Variants in OTUD7A observed in about 807,000 individuals in gnomAD.
OTUD7A encodes OTU domain-containing protein 7A.
A neutral mutation model predicts 65.7 loss-of-function variants in OTUD7A; 12 were observed. That is an observed-to-expected ratio of 0.18 (90% CI 0.12 to 0.30). The LOEUF (loss-of-function observed/expected upper bound fraction) is 0.30, where lower values mean the gene tolerates loss of function less well. OTUD7A is among the 10% of genes least tolerant of loss of function. The probability of loss-of-function intolerance (pLI) is 1.00; values close to 1 mark genes in which losing one functional copy is unlikely to be tolerated. For synonymous variants in OTUD7A, 641 were observed against 586.3 expected, an observed-to-expected ratio of 1.09 and a Z score of -1.35; for missense variants, 1,148 against 1,304.8, an observed-to-expected ratio of 0.88 and a Z score of 1.85.
At chr15:31,659,080 T>TAAAA (rs1280471297) in intron 1 of OTUD7A, among the ~76,000 whole-genome samples, 4 of 136,484 alleles carry the variant, frequency 2.9e-5, no homozygotes, top group South Asian at 2.3e-4. Flanking sequence ...AATAAATAAA[T>TAAAA]AAAATAAAAT....
rs202004327 is a variant in OTUD7A, at chr15:31,650,039, C to CT, written c.151+5056dup. ...AAAGTCTGGAAATCTCTAATTTATC[C>CT]TTTTTTTTTTTCTTTTTCTTCTAAA... On this transcript the variant is annotated intron_variant, in intron 3 of 12. Transcript: ENST00000307050. Among the ~76,000 whole-genome samples the CT allele has an allele frequency of 6.8e-3, 725 of 105,904 alleles. 26 individuals are homozygous for CT. The highest frequency in any genetic ancestry group is 0.042 in the Admixed American group (468 of 11,106). The allele number at this position is 105,904 out of a possible 152,430, so 69.5% of individuals were successfully genotyped here.
chr15:31,766,888 T>C (rs1895106162), intron 1 of OTUD7A: 3 of 1,610,230 alleles, frequency 1.9e-6, no homozygotes, highest in Non-Finnish European at 2.5e-6. Context: ...TTTACTTGAA[T>C]TCCCTGACAC....
intron 12 of OTUD7A, among the ~76,000 whole-genome samples, chr15:31,486,967 C>T (rs1358016075): frequency 6.6e-6 from 1 of 152,210 alleles, no homozygotes; most frequent in African/African-American, 2.4e-5. Context: ...CTAGGTCCAG[C>T]CAGAGCCACT....
At chr15:31,613,994 T>A (rs1052322797) in intron 3 of OTUD7A, among the ~76,000 whole-genome samples, 2 of 152,164 alleles carry the variant, frequency 1.3e-5, no homozygotes, top group Non-Finnish European at 2.9e-5. Context: ...ATCAAAGGCA[T>A]TCGCAGCAAC....
At chr15:31,668,878 CTG>C (rs1354857796) in intron 1 of OTUD7A, among the ~76,000 whole-genome samples, 1 of 152,208 alleles carries the variant, frequency 6.6e-6, no homozygotes, top group Non-Finnish European at 1.5e-5. Flanking sequence ...TTTCCTATAA[CTG>C]TGGCTTCCTG....
chr15:31,754,335 TTTGCCA>T (rs1894749635), intron 1 of OTUD7A, among the ~76,000 whole-genome samples: 1 of 152,230 alleles, frequency 6.6e-6, no homozygotes, highest in Non-Finnish European at 1.5e-5. Context: ...GGCTGTTCCT[TTTGCCA>T]TGCAAAAGCT....
In OTUD7A at chr15:31,482,622, A is replaced by C. The variant is rs1403198695; in HGVS notation, c.*672T>G. Reference sequence around the variant, plus strand: ...ACGGCGCCCGCGAGACGGGTGGTCCAGTGCCCTTTCCACGGCCGCCCGCGG... The same window carrying C: ...ACGGCGCCCGCGAGACGGGTGGTCCCGTGCCCTTTCCACGGCCGCCCGCGG... On this transcript the variant is annotated 3_prime_UTR_variant, in exon 13 of 13. Coordinates refer to ENST00000307050, the MANE Select transcript of OTUD7A (RefSeq NM_001382637.1). 2.0e-5 allele frequency: 3 copies of C among 152,210 alleles called. No homozygotes were observed. The highest frequency in any genetic ancestry group is 7.2e-5 in the African/African-American group (3 of 41,444). The allele number at this position is 152,210 out of a possible 1,614,324, so 9.4% of individuals were successfully genotyped here.
chr15:31,806,691 A>T (rs1325876192), intron 1 of OTUD7A, among the ~76,000 whole-genome samples: 1 of 152,238 alleles, frequency 6.6e-6, no homozygotes, highest in Non-Finnish European at 1.5e-5. Context: ...TCCCAGGATT[A>T]TGTATAGAAA....
intron 1 of OTUD7A, among the ~76,000 whole-genome samples, chr15:31,860,677 G>GCATA (rs1555425281): frequency 0.019 from 1,395 of 73,124 alleles, 50 homozygotes; most frequent in South Asian, 0.047. Context: ...ATGTATGTGT[G>GCATA]TATATATATA....
At chr15:31,499,796 AC>A (rs2041439538) in intron 10 of OTUD7A, among the ~76,000 whole-genome samples, 1 of 152,214 alleles carries the variant, frequency 6.6e-6, no homozygotes, top group African/African-American at 2.4e-5. Flanking sequence ...AAAGACCCAC[AC>A]CACAGTGGCT....
At chr15:31,869,878 A>G (rs988930394) in intron 1 of OTUD7A, among the ~76,000 whole-genome samples, 2 of 152,102 alleles carry the variant, frequency 1.3e-5, no homozygotes, top group Admixed American at 6.5e-5. Flanking sequence ...CGCAGATGCA[A>G]TTTTTTCCCC....
intron 1 of OTUD7A, among the ~76,000 whole-genome samples, chr15:31,808,412 C>T (rs563355710): frequency 4.6e-5 from 7 of 152,086 alleles, no homozygotes; most frequent in African/African-American, 7.2e-5. Flanking sequence ...GCATGAGCCG[C>T]GACAAGCTTC....
intron 8 of OTUD7A, among the ~76,000 whole-genome samples, chr15:31,510,993 CATATGTATATCT>C (rs2041700386): frequency 2.3e-5 from 2 of 85,302 alleles, no homozygotes; most frequent in South Asian, 7.1e-4. Flanking sequence ...CTATATGTAA[CATATGTATATCT>C]ATATGTAACA....
intron 5 of OTUD7A, among the ~76,000 whole-genome samples, chr15:31,543,828 T>C (rs1196154286): frequency 6.6e-6 from 1 of 151,814 alleles, no homozygotes; most frequent in Admixed American, 6.6e-5. Flanking sequence ...TCTCTATCGG[T>C]AATTGAGAGA....
rs1443125057 is a variant in OTUD7A at position 31,483,480 on chromosome 15, G to A, written c.2616C>T (p.Ala872=). The A allele has an allele frequency of 2.2e-6, 3 of 1,392,668 alleles. No homozygotes were observed. Among genetic ancestry groups the A allele is most frequent in the Non-Finnish European group, 1.9e-6 (2 of 1,072,526 alleles). The allele number at this position is 1,392,668 out of a possible 1,614,324, so 86.3% of individuals were successfully genotyped here. A position where few individuals can be genotyped will look rare whatever the true frequency, so the allele number is the denominator to read the frequency against. ...FGALRDGLEF[A]DADAPTARSN... ...AGCGCGCGGTCGGCGCGTCGGCGTC[G>A]GCGAACTCCAGGCCGTCGCGCAGGG... The change falls in exon 13 of 13, where the codon GCC becomes GCT. Residue 872 remains alanine (A), a synonymous_variant. Coordinates refer to ENST00000307050, the MANE Select transcript of OTUD7A (RefSeq NM_001382637.1).
chr15:31,639,144 G>A (rs1427190558), intron 3 of OTUD7A, among the ~76,000 whole-genome samples: 1 of 151,898 alleles, frequency 6.6e-6, no homozygotes, highest in South Asian at 2.1e-4. Context: ...CAGCTGCTTT[G>A]TAATCCCCAC....
At chr15:31,505,373 G>T (rs1039642227) in intron 8 of OTUD7A, among the ~76,000 whole-genome samples, 1 of 152,216 alleles carries the variant, frequency 6.6e-6, no homozygotes, top group Admixed American at 6.5e-5. Context: ...AGGCTAAATT[G>T]TGGGAGCTAA....
intron 1 of OTUD7A, among the ~76,000 whole-genome samples, chr15:31,755,256 T>A (rs573689093): frequency 4.6e-5 from 7 of 152,188 alleles, no homozygotes; most frequent in Admixed American, 3.3e-4. Context: ...CATGGTTTTT[T>A]AGCCTGATGG....
chr15:31,658,261 A>G (rs77456776), intron 1 of OTUD7A, among the ~76,000 whole-genome samples: 29,211 of 152,118 alleles, frequency 0.19, 3,214 homozygotes, highest in East Asian at 0.37. Context: ...TTATGAGCCA[A>G]TGAATGAACT....
Sources: allele counts gnomAD v4.1 joint callset (sites outside exome capture counted in the v4.1 genomes callset), GRCh38; gene constraint gnomAD v4.1.1; transcripts MANE v1.5; gene names NCBI Gene and HGNC (gene_info 2026-07-23, HGNC 2026-07-21).